Variants in HPN observed in about 807,000 individuals in gnomAD.
HPN encodes the protein hepsin.
A neutral mutation model predicts 55.9 loss-of-function variants in HPN; 13 were observed. The observed-to-expected ratio is 0.23, with a 90% CI of 0.15 to 0.37. HPN has a LOEUF of 0.37. HPN is among the 10% of genes least tolerant of loss of function. The pLI is 1.00. For missense variants in HPN, 451 were observed against 575.8 expected, an observed-to-expected ratio of 0.78 and a Z score of 2.22; for synonymous variants, 225 against 240.3, an observed-to-expected ratio of 0.94 and a Z score of 0.59.
At chr19:35,046,045 C>T (rs1242885462) in intron 2 of HPN, among the ~76,000 whole-genome samples, 1 of 152,182 alleles carries the variant, frequency 6.6e-6, no homozygotes, top group African/African-American at 2.4e-5. Flanking sequence ...GCAAGCAAGA[C>T]CAGCCCAGTG....
chr19:35,051,989 C>A (rs1055158001), intron 4 of HPN, among the ~76,000 whole-genome samples: 4 of 152,178 alleles, frequency 2.6e-5, no homozygotes, highest in Non-Finnish European at 5.9e-5. Flanking sequence ...CCCCTCTCCA[C>A]CCCCACCTCA....
intron 2 of HPN, among the ~76,000 whole-genome samples, chr19:35,045,644 A>C (rs1026461508): frequency 6.6e-6 from 1 of 150,832 alleles, no homozygotes; most frequent in Non-Finnish European, 1.5e-5. Flanking sequence ...ATTGATGTTG[A>C]CGTGCCGCCT....
At chr19:35,049,250 G>A in intron 2 of HPN, 40 bp from the exon 3 acceptor site, 2 of 1,457,504 alleles carry the variant, frequency 1.4e-6, no homozygotes, top group East Asian at 2.4e-5. Context: ...CCGCAATGAG[G>A]ACAGGCCTGG....
intron 4 of HPN, among the ~76,000 whole-genome samples, chr19:35,055,074 C>G (rs1186424134): frequency 6.6e-6 from 1 of 152,110 alleles, no homozygotes; most frequent in Non-Finnish European, 1.5e-5. Flanking sequence ...CTTTGGGAGG[C>G]CAAGGTGGGA....
In HPN at chr19:35,060,333, C is replaced by A; in HGVS notation, c.455-14C>A. On this transcript the variant is annotated splice_polypyrimidine_tract_variant and intron_variant, in intron 7 of 12. Transcript: ENST00000672452. ...GTCCCCTGTCGCCGCCCCCTGCTGA[C>A]CCTTGTCCCACAGACTGTGGCCGCA... The A allele has an allele frequency of 6.2e-7, 1 of 1,610,508 alleles. No homozygotes were observed.
chr19:35,042,265 C>T, intron 1 of HPN, 188 bp from the exon 2 acceptor site: 2 of 1,347,160 alleles, frequency 1.5e-6, no homozygotes, highest in Non-Finnish European at 1.9e-6. Context: ...ATCCAGGCGT[C>T]CCCCCGCTGC....
intron 9 of HPN, among the ~76,000 whole-genome samples, chr19:35,062,603 G>A (rs1323264917): frequency 1.3e-5 from 2 of 152,128 alleles, no homozygotes; most frequent in Admixed American, 6.6e-5. Context: ...GCAGGCTGCA[G>A]TGTAATAATA....
chr19:35,059,891 A>AGCT lies in HPN; in HGVS notation c.310_312dup (p.Leu104dup). The AGCT allele has an allele frequency of 6.6e-7, 1 of 1,507,742 alleles. No individual in the cohort carries two copies. The highest frequency in any genetic ancestry group is 8.9e-7 in the Non-Finnish European group (1 of 1,128,336). 93.4% of individuals were successfully genotyped at this position (1,507,742 alleles called of 1,614,324 possible). ...CCGCCCAGGGCACTGACCCACTCCG[A>AGCT]GCTGGACGTGCGAACGGCGGGCGCC... On this transcript the variant is annotated inframe_insertion, in exon 6 of 13. Coordinates refer to ENST00000672452, the MANE Select transcript of HPN (RefSeq NM_001384133.1).
chr19:35,060,858 G>A, intron 9 of HPN, 41 bp downstream of exon 9: 1 of 1,512,698 alleles, frequency 6.6e-7, no homozygotes, highest in Non-Finnish European at 8.9e-7. Flanking sequence ...AGGACCCGAG[G>A]CCAGGAGGAC....
At chr19:35,042,578 T>C in intron 2 of HPN, 56 bp downstream of exon 2, 1 of 1,467,560 alleles carries the variant, frequency 6.8e-7, no homozygotes, top group Non-Finnish European at 9.4e-7. Flanking sequence ...CCGCCCTCTG[T>C]GCTCTTTTCT....
chr19:35,057,476 T>A (rs554256680), intron 4 of HPN, among the ~76,000 whole-genome samples: 2 of 151,670 alleles, frequency 1.3e-5, no homozygotes, highest in East Asian at 3.9e-4. Context: ...ATATTAAAAA[T>A]TGATATGTAT....
At chr19:35,065,143 G>T (rs2064589458) in intron 9 of HPN, 107 bp from the exon 10 acceptor site, 47 of 667,952 alleles carry the variant, frequency 7.0e-5, no homozygotes, top group East Asian at 1.1e-4. Flanking sequence ...TTTTTTTAAA[G>T]AACAGAGAGG....
chr19:35,046,985 C>T (rs996316420), intron 2 of HPN, among the ~76,000 whole-genome samples: 4 of 152,224 alleles, frequency 2.6e-5, no homozygotes, highest in African/African-American at 7.2e-5. Flanking sequence ...CCTGCCACTG[C>T]GCCCGGCTAA....
In HPN at chr19:35,065,668, T is replaced by C. The variant is rs1420396063; in HGVS notation, c.1037T>C (p.Ile346Thr). The C allele has an allele frequency of 5.0e-6, 8 of 1,614,016 alleles. No homozygotes were observed. The highest frequency in any genetic ancestry group is 3.3e-5 in the Admixed American group (2 of 60,012). Residue 346 changes from isoleucine (I) to threonine (T), a missense_variant, in exon 11 of 13, where the codon ATT becomes ACT. Physicochemically the swap from Ile to Thr is moderately conservative, Grantham distance 89. Around this residue, in one of 2 missense-constraint regions of HPN, gnomAD observed 73 missense variants for 130.3 expected, o/e 0.56. Transcript: ENST00000672452. Reference protein sequence around the residue: ...MFCAGYPEGGIDACQGDSGGP... With the variant: ...MFCAGYPEGGTDACQGDSGGP... ...TGTGCTGGCTACCCCGAGGGTGGCA[T>C]TGATGCCTGCCAGGTGAGGGACTCT...
chr19:35,042,542 C>G lies in HPN; in HGVS notation c.16+20C>G. The G allele has an allele frequency of 6.2e-6, 10 of 1,601,148 alleles. No individual in the cohort carries two copies. Among genetic ancestry groups the G allele is most frequent in the African/African-American group, 1.3e-5 (1 of 74,894 alleles). ...AGGAGGGTGAGTCCCCTTCCCTGAG[C>G]CCCAGCTTTGGCTCTGCCTGGCGCC... On this transcript the variant is annotated intron_variant, in intron 2 of 12. Coordinates refer to ENST00000672452, the MANE Select transcript of HPN (RefSeq NM_001384133.1).
chr19:35,046,198 G>A (rs1406496092), intron 2 of HPN, among the ~76,000 whole-genome samples: 1 of 152,236 alleles, frequency 6.6e-6, no homozygotes, highest in South Asian at 2.1e-4. Context: ...GGCCTCTTTT[G>A]GGGAAGAGAG....
intron 4 of HPN, among the ~76,000 whole-genome samples, chr19:35,055,809 G>A (rs1374797092): frequency 6.6e-6 from 1 of 152,122 alleles, no homozygotes; most frequent in Non-Finnish European, 1.5e-5. Flanking sequence ...TGCCTCAAGA[G>A]GCTTTAAAAT....
rs1161740385 is a variant in HPN at position 35,060,618 on chromosome 19, C to T, written c.621-9C>T. The T allele has an allele frequency of 1.4e-5, 22 of 1,613,410 alleles. No homozygotes were observed. Among genetic ancestry groups the T allele is most frequent in the Non-Finnish European group, 1.8e-5 (21 of 1,180,028 alleles). Reference sequence around the variant, plus strand: ...GCAGGTGGCCACCCTCCACCCCTTTCCCTGGTAGGCGGAACCGGGTCCTGT... The same window carrying T: ...GCAGGTGGCCACCCTCCACCCCTTTTCCTGGTAGGCGGAACCGGGTCCTGT... On this transcript the variant is annotated splice_polypyrimidine_tract_variant and intron_variant, in intron 8 of 12. Transcript: ENST00000672452.
intron 9 of HPN, among the ~76,000 whole-genome samples, chr19:35,061,785 G>T (rs910476945): frequency 1.5e-4 from 23 of 151,898 alleles, no homozygotes; most frequent in African/African-American, 5.6e-4. Context: ...AATGTACAAG[G>T]CTGGGCACGG....
Sources: gnomAD v4.1 joint callset for allele counts (sites outside exome capture counted in the v4.1 genomes callset) on GRCh38, gnomAD v4.1.1 for gene constraint, gnomAD v4.1.1 regional missense constraint, MANE v1.5 for transcripts, NCBI Gene and HGNC (gene_info 2026-07-23, HGNC 2026-07-21) for gene names.